Variants in GABBR2 observed in about 807,000 individuals in gnomAD.
GABBR2 encodes the protein gamma-aminobutyric acid type B receptor subunit 2.
A neutral mutation model predicts 105.6 loss-of-function variants in GABBR2; 23 were observed. The observed-to-expected ratio is 0.22, with a 90% confidence interval of 0.16 to 0.31. The LOEUF is 0.31. GABBR2 is among the 10% of genes least tolerant of loss of function. The pLI is 1.00. For synonymous variants in GABBR2, 478 were observed against 499.7 expected (o/e 0.96, Z 0.58); for missense variants, 734 against 1,245.5 (o/e 0.59, Z 6.18).
intron 2 of GABBR2, among the ~76,000 whole-genome samples, chr9:98,551,587 A>G (rs190939337): frequency 3.4e-4 from 52 of 152,316 alleles, no homozygotes; most frequent in African/African-American, 1.2e-3. Flanking sequence ...TGGAGGAGAC[A>G]TATTTAACCA....
At chr9:98,436,009 G>C (rs1367366594) in intron 7 of GABBR2, among the ~76,000 whole-genome samples, 1 of 151,506 alleles carries the variant, frequency 6.6e-6, no homozygotes, top group African/African-American at 2.4e-5. Context: ...TGGGTACAGG[G>C]ATCACATCTG....
intron 3 of GABBR2, among the ~76,000 whole-genome samples, chr9:98,514,293 T>C (rs1827713690): frequency 2.2e-5 from 3 of 133,394 alleles, no homozygotes; most frequent in South Asian, 4.7e-4. Context: ...TTGGGAGATA[T>C]ACCTAATGCT....
chr9:98,512,482 A>G (rs1827665876), intron 3 of GABBR2, among the ~76,000 whole-genome samples: 1 of 152,142 alleles, frequency 6.6e-6, no homozygotes, highest in African/African-American at 2.4e-5. Flanking sequence ...CTGTTTGCAG[A>G]TGACATGATT....
intron 13 of GABBR2, among the ~76,000 whole-genome samples, chr9:98,359,358 A>G (rs967856974): frequency 2.6e-5 from 4 of 152,082 alleles, no homozygotes; most frequent in Non-Finnish European, 5.9e-5. Flanking sequence ...AACCCAGGAG[A>G]TGGAGGTTGA....
chr9:98,451,345 G>A (rs1365191602), intron 7 of GABBR2, among the ~76,000 whole-genome samples: 2 of 152,196 alleles, frequency 1.3e-5, no homozygotes, highest in Non-Finnish European at 2.9e-5. Context: ...AATTCTTTAA[G>A]CTACTGGTCT....
intron 1 of GABBR2, among the ~76,000 whole-genome samples, chr9:98,605,712 C>T (rs1272206935): frequency 1.3e-5 from 2 of 152,198 alleles, no homozygotes; most frequent in South Asian, 2.1e-4. Context: ...CATCACTTAA[C>T]CTCGTAGCAT....
chr9:98,635,710 A>G (rs772612057), intron 1 of GABBR2, among the ~76,000 whole-genome samples: 15 of 152,214 alleles, frequency 9.9e-5, no homozygotes, highest in Non-Finnish European at 2.2e-4. Flanking sequence ...CTGAATCTTT[A>G]GACCATGTTC....
At chr9:98,606,039 C>G (rs559552112) in intron 1 of GABBR2, among the ~76,000 whole-genome samples, 1 of 152,090 alleles carries the variant, frequency 6.6e-6, no homozygotes, top group South Asian at 2.1e-4. Flanking sequence ...GTTTTTTGTC[C>G]TTGCTATAGT....
intron 11 of GABBR2, among the ~76,000 whole-genome samples, chr9:98,372,919 T>C (rs16915331): frequency 0.088 from 13,399 of 152,270 alleles, 687 homozygotes; most frequent in African/African-American, 0.1. Flanking sequence ...ATGAATGCTG[T>C]GAGGGTACAG....
At chr9:98,633,468 C>CA (rs571258745) in intron 1 of GABBR2, among the ~76,000 whole-genome samples, 70 of 151,244 alleles carry the variant, frequency 4.6e-4, no homozygotes, top group South Asian at 3.3e-3. Flanking sequence ...ACTAAAGATA[C>CA]AAAAAAAATA....
chr9:98,340,077 C>A (rs1421688861), intron 13 of GABBR2, among the ~76,000 whole-genome samples: 3 of 152,112 alleles, frequency 2.0e-5, no homozygotes, highest in Non-Finnish European at 4.4e-5. Context: ...TTGCCACCAG[C>A]TGTGTCCCGG....
chr9:98,667,583 C>T (rs965198147), intron 1 of GABBR2, among the ~76,000 whole-genome samples: 4 of 152,256 alleles, frequency 2.6e-5, no homozygotes, highest in Non-Finnish European at 4.4e-5. Flanking sequence ...ATCTGAAGGG[C>T]TCTCCCACCT....
Position 98,306,617 on chromosome 9 carries a change from A to G in GABBR2, c.2005-272T>C. The stretch of plus-strand genomic sequence containing the variant: ...GACTGGTTCATGCACAGACCTGCCC[A>G]AGGCTACAGTGGAAGGGAACTTCAG... On this transcript the variant is annotated intron_variant, in intron 14 of 18. Coordinates refer to ENST00000259455, the MANE Select transcript of GABBR2 (RefSeq NM_005458.8). The surrounding 1 kb of genome is among the most constrained non-coding windows in gnomAD (Gnocchi z 5.4). The G allele has an allele frequency of 2.0e-6, 1 of 499,134 alleles. No individual in the cohort carries two copies. The highest frequency in any genetic ancestry group is 3.6e-6 in the Non-Finnish European group (1 of 274,282). 30.9% of individuals were successfully genotyped at this position (499,134 alleles called of 1,614,324 possible).
chr9:98,649,606 A>T (rs776770417), intron 1 of GABBR2, among the ~76,000 whole-genome samples: 1 of 152,198 alleles, frequency 6.6e-6, no homozygotes, highest in Non-Finnish European at 1.5e-5. Context: ...TCAATTCACA[A>T]GCCCGGGGAC....
At chr9:98,360,618 C>T (rs553736903) in intron 13 of GABBR2, among the ~76,000 whole-genome samples, 2 of 152,302 alleles carry the variant, frequency 1.3e-5, no homozygotes, top group South Asian at 4.1e-4. Context: ...CTTGGAAAGT[C>T]TGGAATGTGC....
intron 3 of GABBR2, among the ~76,000 whole-genome samples, chr9:98,497,253 C>A (rs934486844): frequency 6.6e-6 from 1 of 152,180 alleles, no homozygotes; most frequent in African/African-American, 2.4e-5. Context: ...GGTGACAGAA[C>A]AAGACCTTGT....
intron 1 of GABBR2, among the ~76,000 whole-genome samples, chr9:98,680,584 C>T (rs986180090): frequency 6.6e-6 from 1 of 152,306 alleles, no homozygotes; most frequent in African/African-American, 2.4e-5. Context: ...GCTAGGATTA[C>T]AGGCATGAGC....
Position 98,578,063 on chromosome 9 carries a change from C to T in GABBR2, c.331G>A (p.Ala111Thr), listed in dbSNP as rs1588236439. 6.2e-7 allele frequency: 1 copy of T among 1,613,642 alleles called. No individual in the cohort carries two copies. Among genetic ancestry groups the T allele is most frequent in the Non-Finnish European group, 8.5e-7 (1 of 1,179,810 alleles). Residue 111 changes from alanine to threonine, a missense_variant, in exon 2 of 19, where the codon GCA (alanine) becomes ACA (threonine). Coordinates refer to ENST00000259455, the MANE Select transcript of GABBR2 (RefSeq NM_005458.8). ...TCGTAGAAGGCTTTCAACCCTTTTG[C>T]GTTGTCGCACTGGGAAGCAACACAT... ...LRLYDTECDNAKGLKAFYDAI... is the reference protein window; with the variant it reads ...LRLYDTECDNTKGLKAFYDAI...
chr9:98,326,124 A>G (rs1301066548), intron 13 of GABBR2, among the ~76,000 whole-genome samples: 1 of 152,238 alleles, frequency 6.6e-6, no homozygotes, highest in Non-Finnish European at 1.5e-5. Context: ...GAGAGAAGGG[A>G]GTGGCCAATC....
Sources: allele counts gnomAD v4.1 joint callset (sites outside exome capture counted in the v4.1 genomes callset), GRCh38; gene constraint gnomAD v4.1.1; non-coding constraint Gnocchi (gnomAD v3.1); transcripts MANE v1.5; gene names NCBI Gene and HGNC (gene_info 2026-07-23, HGNC 2026-07-21).